ADCY2: variants seen among roughly 807,000 people sequenced by gnomAD.
The protein encoded by ADCY2 is adenylate cyclase type 2.
ADCY2 carries 31 observed loss-of-function variants against 125.2 expected under a neutral mutation model. The observed-to-expected ratio is 0.25, with a 90% CI of 0.19 to 0.33. The LOEUF (loss-of-function observed/expected upper bound fraction) is 0.33. Ranked by LOEUF, ADCY2 falls within the 10% of genes least tolerant of loss-of-function variation. The pLI, the probability that ADCY2 is intolerant of heterozygous loss-of-function variation, is 1.00. For missense variants in ADCY2, 904 were observed against 1,418.2 expected, an observed-to-expected ratio of 0.64 and a Z score of 5.82; for synonymous variants, 512 against 548.4, an observed-to-expected ratio of 0.93 and a Z score of 0.93.
At chr5:7,775,175 T>TTG (rs200142910) in intron 18 of ADCY2, among the ~76,000 whole-genome samples, 52,694 of 145,906 alleles carry the variant, frequency 0.36, 9,359 homozygotes, top group Admixed American at 0.47. Context: ...CCCAGCTACT[T>TTG]TGTGTGTGTG....
intron 23 of ADCY2, among the ~76,000 whole-genome samples, chr5:7,817,301 A>G (rs1311895036): frequency 1.3e-5 from 2 of 152,184 alleles, no homozygotes; most frequent in Non-Finnish European, 2.9e-5. Context: ...GCTGTTGCCA[A>G]TTAAACTGGG....
intron 4 of ADCY2, among the ~76,000 whole-genome samples, chr5:7,665,830 T>A: frequency 1.6e-5 from 1 of 63,218 alleles, no homozygotes; most frequent in East Asian, 8.1e-4. Flanking sequence ...ATTTAATTCT[T>A]TTTTTTTTTT....
chr5:7,657,291 T>G (rs1160624818), intron 4 of ADCY2, among the ~76,000 whole-genome samples: 2 of 152,192 alleles, frequency 1.3e-5, no homozygotes, highest in East Asian at 3.9e-4. Flanking sequence ...GGGTGCTGGA[T>G]AGTTGAAAAT....
At chr5:7,413,090 C>T (rs10061774) in intron 1 of ADCY2, among the ~76,000 whole-genome samples, 3 of 152,054 alleles carry the variant, frequency 2.0e-5, no homozygotes, top group Admixed American at 6.5e-5. Context: ...GGAACCAAGA[C>T]TCCGTGTGGA....
chr5:7,727,144 G>A lies in ADCY2; in HGVS notation c.1774-20G>A. Reference sequence around the variant, plus strand: ...TTCTCTTGGAGAACTGTCACTCACAGGTTCCTTTCTCCCCCTCAGTACCGG... The same window carrying A: ...TTCTCTTGGAGAACTGTCACTCACAAGTTCCTTTCTCCCCCTCAGTACCGG... On this transcript the variant is annotated intron_variant, in intron 13 of 24. Coordinates refer to ENST00000338316, the MANE Select transcript of ADCY2 (RefSeq NM_020546.3). The A allele has an allele frequency of 1.3e-6, 2 of 1,594,880 alleles. No homozygotes were observed. The highest frequency in any genetic ancestry group is 1.7e-6 in the Non-Finnish European group (2 of 1,164,498).
chr5:7,415,646 G>A (rs898396693), intron 2 of ADCY2, among the ~76,000 whole-genome samples: 3 of 152,082 alleles, frequency 2.0e-5, no homozygotes, highest in Non-Finnish European at 2.9e-5. Context: ...GGGTGGCTTC[G>A]GATACCTGCT....
intron 11 of ADCY2, among the ~76,000 whole-genome samples, chr5:7,716,087 T>C (rs1052745306): frequency 9.2e-5 from 14 of 152,200 alleles, no homozygotes; most frequent in Non-Finnish European, 1.6e-4. Context: ...ATGCAAATTG[T>C]CAAATTAACC....
At chr5:7,724,732 A>T (rs899524523) in intron 13 of ADCY2, 118 bp downstream of exon 13, 9 of 718,176 alleles carry the variant, frequency 1.3e-5, no homozygotes, top group Non-Finnish European at 2.1e-5. Flanking sequence ...CTATATTCGA[A>T]CTCTTTCTGG....
At chr5:7,743,407 G>T (rs538670969) in intron 14 of ADCY2, among the ~76,000 whole-genome samples, 2 of 151,902 alleles carry the variant, frequency 1.3e-5, no homozygotes, top group Non-Finnish European at 1.5e-5. Context: ...CATTTAAAAA[G>T]ATTCTTTATC....
chr5:7,657,854 G>A (rs34174593), intron 4 of ADCY2, among the ~76,000 whole-genome samples: 5,241 of 152,198 alleles, frequency 0.034, 135 homozygotes, highest in Non-Finnish European at 0.053. Context: ...AAAATTCCCA[G>A]CAATTAGTTC....
chr5:7,817,363 T>C (rs1745149749), intron 23 of ADCY2, among the ~76,000 whole-genome samples: 1 of 152,166 alleles, frequency 6.6e-6, no homozygotes, highest in Non-Finnish European at 1.5e-5. Flanking sequence ...TAAAAATATT[T>C]TCTTTAAAAA....
intron 4 of ADCY2, among the ~76,000 whole-genome samples, chr5:7,689,793 T>C (rs1019487163): frequency 6.6e-6 from 1 of 152,210 alleles, no homozygotes; most frequent in Non-Finnish European, 1.5e-5. Context: ...AACAAATATT[T>C]GTTTATCAAC....
At chr5:7,440,938 C>A (rs1740990992) in intron 2 of ADCY2, among the ~76,000 whole-genome samples, 1 of 152,094 alleles carries the variant, frequency 6.6e-6, no homozygotes, top group Non-Finnish European at 1.5e-5. Context: ...ATGCTGCTGT[C>A]TCCACGTTAC....
intron 16 of ADCY2, among the ~76,000 whole-genome samples, chr5:7,763,098 AT>A (rs529281644): frequency 5.4e-4 from 77 of 143,034 alleles, no homozygotes; most frequent in East Asian, 8.1e-4. Context: ...TTTCTAATGT[AT>A]TTTTTTTTTT....
intron 3 of ADCY2, among the ~76,000 whole-genome samples, chr5:7,541,791 T>C (rs1470682417): frequency 6.6e-6 from 1 of 152,156 alleles, no homozygotes; most frequent in African/African-American, 2.4e-5. Flanking sequence ...CAAAGAGATT[T>C]CATCCAGTTA....
intron 2 of ADCY2, among the ~76,000 whole-genome samples, chr5:7,488,859 G>T (rs1387293464): frequency 6.6e-6 from 1 of 151,646 alleles, no homozygotes; most frequent in Non-Finnish European, 1.5e-5. Context: ...AGGTTAAGCT[G>T]CAGATCTCCT....
intron 7 of ADCY2, among the ~76,000 whole-genome samples, chr5:7,699,172 A>C (rs1740997545): frequency 8.3e-6 from 1 of 120,638 alleles, no homozygotes; most frequent in Non-Finnish European, 1.6e-5. Context: ...ATCTCGGCTC[A>C]CTGCAAGCTC....
intron 2 of ADCY2, among the ~76,000 whole-genome samples, chr5:7,437,955 G>T (rs926685438): frequency 1.3e-5 from 2 of 152,094 alleles, no homozygotes; most frequent in African/African-American, 4.8e-5. Context: ...GTGCTCCTGT[G>T]GTCTGGCCAC....
chr5:7,409,858 A>C (rs1453192287), intron 1 of ADCY2, among the ~76,000 whole-genome samples: 2 of 152,248 alleles, frequency 1.3e-5, no homozygotes, highest in East Asian at 3.9e-4. Context: ...CTATTTTATT[A>C]GTTTTATAGA....
Sources: gnomAD v4.1 joint callset for allele counts (sites outside exome capture counted in the v4.1 genomes callset) on GRCh38, gnomAD v4.1.1 for gene constraint, MANE v1.5 for transcripts, NCBI Gene and HGNC (gene_info 2026-07-23, HGNC 2026-07-21) for gene names.